The following ATAD2B variants were observed in gnomAD, a reference collection of about 807,000 sequenced individuals.
ATAD2B encodes ATPase family AAA domain-containing protein 2B.
A neutral mutation model predicts 167.6 loss-of-function variants in ATAD2B; 40 were observed. The observed-to-expected ratio is 0.24, with a 90% confidence interval of 0.19 to 0.31. ATAD2B has a LOEUF of 0.31. Ranked by LOEUF, ATAD2B falls within the 10% of genes least tolerant of loss-of-function variation. The probability of loss-of-function intolerance (pLI) is 1.00; values close to 1 mark genes in which losing one functional copy is unlikely to be tolerated. For missense variants in ATAD2B, 1,242 were observed against 1,757.2 expected, an observed-to-expected ratio of 0.71 and a Z score of 5.24; for synonymous variants, 579 against 596.5, an observed-to-expected ratio of 0.97 and a Z score of 0.43.
chr2:23,899,337 T>C (rs1392061804), intron 1 of ATAD2B, among the ~76,000 whole-genome samples: 1 of 147,566 alleles, frequency 6.8e-6, no homozygotes, highest in African/African-American at 2.5e-5. Context: ...AAGGCCACAC[T>C]GGTACTAAAA....
chr2:23,879,162 T>A (rs910088361), intron 7 of ATAD2B, among the ~76,000 whole-genome samples: 2 of 152,152 alleles, frequency 1.3e-5, no homozygotes, highest in African/African-American at 4.8e-5. Context: ...TACAAAAACA[T>A]ATGTCCACAC....
At chr2:23,787,203 C>A (rs1231726696) in intron 20 of ATAD2B, among the ~76,000 whole-genome samples, 1 of 152,012 alleles carries the variant, frequency 6.6e-6, no homozygotes, top group Non-Finnish European at 1.5e-5. Context: ...TTCCTAATTA[C>A]AACGTTCTCT....
the ATAD2B span, chr2:23,691,346 G>T: frequency 2.8e-6 from 1 of 358,050 alleles, no homozygotes; most frequent in Non-Finnish European, 5.2e-6. Context: ...ACCAGGGCCT[G>T]CAGTGGGCTG....
In ATAD2B at chr2:23,926,907, A is replaced by G; in HGVS notation, c.-137T>C. On this transcript the variant is annotated 5_prime_UTR_variant, in exon 1 of 28. Transcript: ENST00000238789. ...CCGGCCCGGAGCGTGCGGAGCGCAG[A>G]CGAGCACAAGAGAGAGCCGGGCAGA... 1 of 1,104,414 alleles carries G rather than the reference A, an allele frequency of 9.1e-7. No individual in the cohort carries two copies. Among genetic ancestry groups the G allele is most frequent in the East Asian group, 2.9e-5 (1 of 34,090 alleles). The allele number at this position is 1,104,414 out of a possible 1,614,324, so 68.4% of individuals were successfully genotyped here.
chr2:23,910,570 T>A (rs1399071514), intron 1 of ATAD2B, among the ~76,000 whole-genome samples: 2 of 151,590 alleles, frequency 1.3e-5, no homozygotes, highest in Admixed American at 6.6e-5. Flanking sequence ...CGAATTTTTT[T>A]AAAAGAGATG....
rs2149287742 is a variant in ATAD2B at position 23,750,206 on chromosome 2, T to C, written c.*1840A>G. 1 of 152,282 alleles carries C rather than the reference T, an allele frequency of 6.6e-6. No homozygotes were observed. The highest frequency in any genetic ancestry group is 1.9e-4 in the East Asian group (1 of 5,192). 9.4% of individuals were successfully genotyped at this position (152,282 alleles called of 1,614,324 possible). On this transcript the variant is annotated 3_prime_UTR_variant, in exon 28 of 28. Coordinates refer to ENST00000238789, the MANE Select transcript of ATAD2B (RefSeq NM_017552.4). ...TAAAATGGTTCATCGTTAATCGCAC[T>C]TGCCCACCTTAAAAATACAGTGTGT...
chr2:23,910,195 T>TTA (rs1702079062), intron 1 of ATAD2B, among the ~76,000 whole-genome samples: 1 of 144,676 alleles, frequency 6.9e-6, no homozygotes, highest in Non-Finnish European at 1.5e-5. Context: ...TTTTTTTTTT[T>TTA]AGACAAGAGT....
In ATAD2B at chr2:23,834,082, T is replaced by C. The variant is rs376753844; in HGVS notation, c.1569-4A>G. On this transcript the variant is annotated splice_polypyrimidine_tract_variant and splice_region_variant and intron_variant, in intron 13 of 27. Transcript: ENST00000238789. ...AAGGAGGGTTGATACTATAGAGCTG[T>C]AAAATAATTTTCAGGCAAAATTAAA... 2.1e-5 allele frequency: 33 copies of C among 1,542,256 alleles called. No individual in the cohort carries two copies. Among genetic ancestry groups the C allele is most frequent in the Non-Finnish European group, 2.5e-5 (29 of 1,148,508 alleles).
rs577782157 is a variant in ATAD2B, at chr2:23,868,607, T to C, written c.1077-661A>G. Among the ~76,000 whole-genome samples, 4 of 152,310 alleles carry C rather than the reference T, an allele frequency of 2.6e-5. No individual in the cohort carries two copies. The South Asian group carries it at 6.2e-4, about 24-fold the overall frequency. On this transcript the variant is annotated intron_variant, in intron 9 of 27. Coordinates refer to ENST00000238789, the MANE Select transcript of ATAD2B (RefSeq NM_017552.4). The stretch of plus-strand genomic sequence containing the variant: ...AATATTTAAATCTATCCTCAACTAT[T>C]ACACGAATATGTCTACTCAGTTATA...
the ATAD2B span, chr2:23,685,578 CT>C: frequency 6.6e-6 from 1 of 152,442 alleles, no homozygotes; most frequent in Non-Finnish European, 1.5e-5. Context: ...CCGATCCGGC[CT>C]TTCACATAGA....
At chr2:23,716,391 T>C in the ATAD2B span, among the ~76,000 whole-genome samples, 1 of 152,230 alleles carries the variant, frequency 6.6e-6, no homozygotes, top group Non-Finnish European at 1.5e-5. Flanking sequence ...CATCTAATAA[T>C]TTATAGAGAT....
At chr2:23,772,709 T>A (rs539236921) in intron 22 of ATAD2B, among the ~76,000 whole-genome samples, 1 of 152,134 alleles carries the variant, frequency 6.6e-6, no homozygotes, top group Admixed American at 6.5e-5. Flanking sequence ...AAAATCTGCA[T>A]TTGAGAGGGA....
intron 18 of ATAD2B, among the ~76,000 whole-genome samples, chr2:23,804,143 C>G (rs756201297): frequency 6.6e-6 from 1 of 152,112 alleles, no homozygotes; most frequent in Non-Finnish European, 1.5e-5. Context: ...GCTTTTGTAC[C>G]CACTTATAAC....
intron 22 of ATAD2B, among the ~76,000 whole-genome samples, chr2:23,778,255 G>A (rs1268379163): frequency 6.6e-6 from 1 of 152,148 alleles, no homozygotes; most frequent in African/African-American, 2.4e-5. Context: ...TTCTTTCATT[G>A]TGGAACTGCA....
chr2:23,874,908 T>C (rs1452851292), intron 8 of ATAD2B, among the ~76,000 whole-genome samples: 1 of 150,152 alleles, frequency 6.7e-6, no homozygotes, highest in African/African-American at 2.5e-5. Flanking sequence ...TACAAAAAAA[T>C]AGCCAGGTGT....
chr2:23,802,870 G>A (rs72782114), intron 18 of ATAD2B, among the ~76,000 whole-genome samples: 18,180 of 151,836 alleles, frequency 0.12, 1,159 homozygotes, highest in Middle Eastern at 0.21. Context: ...TTTCTTTCTG[G>A]GGAAAGAAAT....
intron 11 of ATAD2B, 72 bp from the exon 12 acceptor site, chr2:23,863,627 T>C (rs1694740487): frequency 7.7e-7 from 1 of 1,298,288 alleles, no homozygotes; most frequent in Non-Finnish European, 1.0e-6. Flanking sequence ...TTAAAAAATG[T>C]CCCCCCCTTC....
chr2:23,798,034 C>A, intron 19 of ATAD2B, 104 bp downstream of exon 19: 1 of 753,538 alleles, frequency 1.3e-6, no homozygotes, highest in South Asian at 3.2e-5. Flanking sequence ...GGATATAAAC[C>A]CTGGCAGTAT....
In ATAD2B at chr2:23,750,863, A is replaced by C. The variant is rs1675273243; in HGVS notation, c.*1183T>G. On this transcript the variant is annotated 3_prime_UTR_variant, in exon 28 of 28. Transcript: ENST00000238789. Reference sequence around the variant, plus strand: ...AGATTCAAAATGGTTTCCAATCAAAAAGAAGAGTTGTGAAGGTAAGCTTAG... The same window carrying C: ...AGATTCAAAATGGTTTCCAATCAAACAGAAGAGTTGTGAAGGTAAGCTTAG... 6.6e-6 allele frequency: 1 copy of C among 152,150 alleles called. No individual in the cohort carries two copies. Among genetic ancestry groups the C allele is most frequent in the Non-Finnish European group, 1.5e-5 (1 of 68,016 alleles). The allele number at this position is 152,150 out of a possible 1,614,324, so 9.4% of individuals were successfully genotyped here.
Sources: gnomAD v4.1 joint callset for allele counts (sites outside exome capture counted in the v4.1 genomes callset) on GRCh38, gnomAD v4.1.1 for gene constraint, MANE v1.5 for transcripts, NCBI Gene and HGNC (gene_info 2026-07-23, HGNC 2026-07-21) for gene names.